Variants in DCDC1 observed in about 807,000 individuals in gnomAD.
DCDC1 encodes the protein doublecortin domain-containing protein 1.
Under a neutral mutation model 178.3 loss-of-function variants are expected in DCDC1, and 200 were observed. That is an observed-to-expected ratio of 1.12 (90% CI 1.00 to 1.26). DCDC1 has a LOEUF of 1.26. Among genes scored for constraint, DCDC1 ranks in the 50% most tolerant of loss-of-function variants. The pLI is 0.00. For missense variants in DCDC1, 1,983 were observed against 1,749.2 expected (o/e 1.13, Z -2.38); for synonymous variants, 690 against 604.8 (o/e 1.14, Z -2.07).
At position 30,881,150 on chromosome 11, in the gene DCDC1, A is replaced by G; in HGVS notation, c.5233+8T>C. ...AAGACTTGATGGAAAAGAAACTATCATGCATACCTTTTGGGGTTTTGAAAC... is the reference window on the plus strand; with the variant it reads ...AAGACTTGATGGAAAAGAAACTATCGTGCATACCTTTTGGGGTTTTGAAAC... On this transcript the variant is annotated splice_region_variant and intron_variant, in intron 37 of 38. Coordinates refer to ENST00000684477, the MANE Select transcript of DCDC1 (RefSeq NM_001387274.1). 2 of 1,612,860 alleles carry G rather than the reference A, an allele frequency of 1.2e-6. No homozygotes were observed. Among genetic ancestry groups the G allele is most frequent in the Non-Finnish European group, 1.7e-6 (2 of 1,179,318 alleles).
At chr11:31,002,874 T>A (rs1015010841) in intron 20 of DCDC1, among the ~76,000 whole-genome samples, 2 of 152,126 alleles carry the variant, frequency 1.3e-5, no homozygotes, top group African/African-American at 4.8e-5. Context: ...CAATGTAGAA[T>A]AGTAAAATAA....
At chr11:31,261,659 G>C (rs1257482808) in intron 8 of DCDC1, among the ~76,000 whole-genome samples, 1 of 151,974 alleles carries the variant, frequency 6.6e-6, no homozygotes, top group African/African-American at 2.4e-5. Flanking sequence ...TTTATATAAG[G>C]GACCTGAGCA....
chr11:30,978,019 T>G (rs1950193304), intron 20 of DCDC1, among the ~76,000 whole-genome samples: 1 of 152,226 alleles, frequency 6.6e-6, no homozygotes, highest in Non-Finnish European at 1.5e-5. Flanking sequence ...TATTGTTCTC[T>G]AAAGGAGTGG....
chr11:31,313,868 T>A (rs1948910595), intron 3 of DCDC1, among the ~76,000 whole-genome samples: 1 of 152,206 alleles, frequency 6.6e-6, no homozygotes, highest in South Asian at 2.1e-4. Context: ...CTGTTGAGAT[T>A]TTCTATAACA....
intron 8 of DCDC1, 57 bp downstream of exon 8, chr11:31,265,450 A>C: frequency 1.0e-6 from 1 of 1,003,960 alleles, no homozygotes; most frequent in African/African-American, 1.7e-5. Flanking sequence ...AGTAAAAACA[A>C]AATATAAATG....
At chr11:31,137,362 T>G (rs956180722) in intron 10 of DCDC1, among the ~76,000 whole-genome samples, 5 of 151,224 alleles carry the variant, frequency 3.3e-5, no homozygotes, top group South Asian at 2.1e-4. Context: ...CAGGTTTTTT[T>G]TTTTTTTTTT....
At chr11:31,233,660 CTA>C (rs1406589967) in intron 9 of DCDC1, among the ~76,000 whole-genome samples, 4 of 151,094 alleles carry the variant, frequency 2.6e-5, no homozygotes, top group Non-Finnish European at 5.9e-5. Context: ...AGATTGTGAA[CTA>C]TATGTGTTTT....
At position 31,328,200 on chromosome 11, in the gene DCDC1, T is replaced by C. The variant is rs1949752430; in HGVS notation, c.81A>G (p.Val27=). The change falls in exon 3 of 39, where the codon GTA becomes GTG. Residue 27 remains valine (V), a synonymous_variant. Coordinates refer to ENST00000684477, the MANE Select transcript of DCDC1 (RefSeq NM_001387274.1). The part of the protein sequence containing the change: ...SLSLLTEAME[V]LQQSSPEGTL... Reference sequence around the variant, plus strand: ...TGCCTTCAGGGCTACTTTGCTGTAATACTTCCATTGCTTCAGTCAAGAGGG... The same window carrying C: ...TGCCTTCAGGGCTACTTTGCTGTAACACTTCCATTGCTTCAGTCAAGAGGG... The C allele has an allele frequency of 2.5e-6, 4 of 1,612,740 alleles. No individual in the cohort carries two copies. The highest frequency in any genetic ancestry group is 3.4e-6 in the Non-Finnish European group (4 of 1,179,066).
At chr11:31,159,599 T>C (rs1966104349) in intron 9 of DCDC1, among the ~76,000 whole-genome samples, 1 of 152,256 alleles carries the variant, frequency 6.6e-6, no homozygotes, top group African/African-American at 2.4e-5. Flanking sequence ...ATATTCACGA[T>C]GCAGGCAGTA....
At chr11:31,018,160 G>A (rs1341983862) in intron 20 of DCDC1, among the ~76,000 whole-genome samples, 1 of 151,920 alleles carries the variant, frequency 6.6e-6, no homozygotes, top group African/African-American at 2.4e-5. Flanking sequence ...CATTTTTCAA[G>A]CTCACCACCA....
At chr11:31,097,364 CA>C (rs1264395387) in intron 15 of DCDC1, among the ~76,000 whole-genome samples, 3 of 152,174 alleles carry the variant, frequency 2.0e-5, no homozygotes, top group African/African-American at 7.2e-5. Context: ...TCATAGAGCA[CA>C]ACCCTCATTT....
intron 20 of DCDC1, among the ~76,000 whole-genome samples, chr11:31,009,830 G>A (rs943408120): frequency 6.6e-6 from 1 of 152,146 alleles, no homozygotes; most frequent in African/African-American, 2.4e-5. Context: ...CATTGCTGGG[G>A]AGGCCTCAGG....
At chr11:31,290,912 T>A (rs1219530607) in intron 6 of DCDC1, 60 bp from the exon 7 acceptor site, 2 of 1,459,938 alleles carry the variant, frequency 1.4e-6, no homozygotes, top group African/African-American at 2.8e-5. Context: ...AATGGACACA[T>A]CATACTTCCC....
chr11:31,317,057 A>G (rs2137736100), intron 3 of DCDC1, among the ~76,000 whole-genome samples: 1 of 54,554 alleles, frequency 1.8e-5, no homozygotes, highest in East Asian at 2.7e-4. Flanking sequence ...TGGTTACTGT[A>G]GCCTTGTAGT....
chr11:31,180,298 TCAC>T (rs1353324429), intron 9 of DCDC1, among the ~76,000 whole-genome samples: 1 of 152,224 alleles, frequency 6.6e-6, no homozygotes, highest in East Asian at 1.9e-4. Context: ...TTGAATATTC[TCAC>T]CACAAAGAAA....
intron 22 of DCDC1, 64 bp downstream of exon 22, chr11:30,931,707 T>A (rs1565090863): frequency 6.9e-7 from 1 of 1,449,126 alleles, no homozygotes; most frequent in East Asian, 2.4e-5. Context: ...CATCCATAAT[T>A]AAGAACACAA....
intron 10 of DCDC1, among the ~76,000 whole-genome samples, chr11:31,134,670 T>G (rs1049034668): frequency 6.6e-6 from 1 of 152,242 alleles, no homozygotes; most frequent in Non-Finnish European, 1.5e-5. Flanking sequence ...ACTTTTATAC[T>G]GATAATAATA....
At chr11:31,139,050 C>A (rs1374383966) in intron 9 of DCDC1, among the ~76,000 whole-genome samples, 2 of 152,004 alleles carry the variant, frequency 1.3e-5, no homozygotes, top group Non-Finnish European at 2.9e-5. Context: ...AGAATACAAT[C>A]TCTGTTGCAA....
intron 31 of DCDC1, 60 bp downstream of exon 31, chr11:30,904,901 A>G (rs1944949817): frequency 6.3e-7 from 1 of 1,593,194 alleles, no homozygotes; most frequent in East Asian, 2.2e-5. Context: ...TTCTTTAAGA[A>G]GAATTGCCAT....
Sources: allele counts gnomAD v4.1 joint callset (sites outside exome capture counted in the v4.1 genomes callset), GRCh38; gene constraint gnomAD v4.1.1; transcripts MANE v1.5; gene names NCBI Gene and HGNC (gene_info 2026-07-23, HGNC 2026-07-21).